SGPP2: variants seen among roughly 807,000 people sequenced by gnomAD.
The protein encoded by SGPP2 is sphingosine 1-phosphate phosphohydrolase 2.
SGPP2 carries 30 observed loss-of-function variants against 33.9 expected under a neutral mutation model. The observed-to-expected ratio is 0.89, with a 90% confidence interval of 0.66 to 1.20. SGPP2 has a LOEUF of 1.20. Among genes scored for constraint, SGPP2 ranks in the 50% most tolerant of loss-of-function variants. SGPP2 has a pLI of 0.00. For synonymous variants in SGPP2, 233 were observed against 225.0 expected, an observed-to-expected ratio of 1.04 and a Z score of -0.32; for missense variants, 458 against 532.1, an observed-to-expected ratio of 0.86 and a Z score of 1.37.
At chr2:222,464,059 A>C (rs143308981) in intron 1 of SGPP2, among the ~76,000 whole-genome samples, 13 of 152,330 alleles carry the variant, frequency 8.5e-5, no homozygotes, top group Non-Finnish European at 1.5e-4. Flanking sequence ...AGCTCTTCCA[A>C]GTATCATTTC....
chr2:222,518,226 A>T (rs1180771953), intron 2 of SGPP2, among the ~76,000 whole-genome samples: 2 of 152,256 alleles, frequency 1.3e-5, no homozygotes, highest in African/African-American at 4.8e-5. Flanking sequence ...ATGCAGCCGT[A>T]GTATTTTTAA....
chr2:222,529,929 T>C (rs1698814977), intron 4 of SGPP2, among the ~76,000 whole-genome samples: 1 of 152,214 alleles, frequency 6.6e-6, no homozygotes, highest in African/African-American at 2.4e-5. Context: ...TAGCAATGAC[T>C]CCTTGATCCC....
intron 2 of SGPP2, among the ~76,000 whole-genome samples, chr2:222,500,009 G>A (rs1698343319): frequency 6.6e-6 from 1 of 152,154 alleles, no homozygotes; most frequent in Non-Finnish European, 1.5e-5. Flanking sequence ...TTACCAGCAG[G>A]AAGAATTATG....
At chr2:222,512,961 G>C (rs927196641) in intron 2 of SGPP2, among the ~76,000 whole-genome samples, 3 of 152,202 alleles carry the variant, frequency 2.0e-5, no homozygotes, top group Non-Finnish European at 2.9e-5. Flanking sequence ...TTTTGTGGAG[G>C]TAAGTTTTCA....
At chr2:222,428,881 T>G (rs1559140982) in intron 1 of SGPP2, among the ~76,000 whole-genome samples, 1 of 139,972 alleles carries the variant, frequency 7.1e-6, no homozygotes, top group Non-Finnish European at 1.5e-5. Context: ...AACCTCTGCC[T>G]CCTGGATTCA....
At chr2:222,430,587 G>T (rs1697139201) in intron 1 of SGPP2, among the ~76,000 whole-genome samples, 2 of 152,124 alleles carry the variant, frequency 1.3e-5, no homozygotes, top group Admixed American at 6.5e-5. Context: ...CCAAAGTGCT[G>T]GGATTGCAGG....
At chr2:222,468,120 C>A (rs757077014) in intron 1 of SGPP2, among the ~76,000 whole-genome samples, 1 of 151,910 alleles carries the variant, frequency 6.6e-6, no homozygotes. Context: ...TGATATCTGG[C>A]GTCTGGAAGA....
intron 4 of SGPP2, among the ~76,000 whole-genome samples, chr2:222,554,996 C>G (rs1050519731): frequency 2.0e-5 from 3 of 152,182 alleles, no homozygotes; most frequent in Non-Finnish European, 2.9e-5. Flanking sequence ...CCTCCCATCC[C>G]TTCGGAGTCA....
chr2:222,455,093 G>T (rs1697551399), intron 1 of SGPP2, among the ~76,000 whole-genome samples: 1 of 152,088 alleles, frequency 6.6e-6, no homozygotes, highest in Admixed American at 6.5e-5. Flanking sequence ...AATTAGGCTG[G>T]TCATGGTGGC....
At chr2:222,546,202 T>G (rs1224008733) in intron 4 of SGPP2, among the ~76,000 whole-genome samples, 1 of 152,228 alleles carries the variant, frequency 6.6e-6, no homozygotes, top group Non-Finnish European at 1.5e-5. Context: ...CCCTGACACC[T>G]GCATAAAATT....
intron 1 of SGPP2, among the ~76,000 whole-genome samples, chr2:222,461,666 G>A (rs1238160557): frequency 6.6e-6 from 1 of 151,826 alleles, no homozygotes; most frequent in African/African-American, 2.4e-5. Context: ...CATAAGAAGT[G>A]CACAGCCTAG....
intron 1 of SGPP2, among the ~76,000 whole-genome samples, chr2:222,451,283 A>G (rs921983565): frequency 4.6e-5 from 7 of 152,214 alleles, no homozygotes; most frequent in Non-Finnish European, 7.4e-5. Flanking sequence ...TGCTCTGTAA[A>G]ATGATTAGCT....
intron 2 of SGPP2, among the ~76,000 whole-genome samples, chr2:222,495,384 A>C (rs1020524551): frequency 6.6e-6 from 1 of 152,242 alleles, no homozygotes; most frequent in Non-Finnish European, 1.5e-5. Context: ...ACTGTACTCC[A>C]GCCTGGAAAA....
intron 1 of SGPP2, among the ~76,000 whole-genome samples, chr2:222,434,758 GA>G (rs1394199304): frequency 1.3e-5 from 2 of 152,094 alleles, no homozygotes; most frequent in Non-Finnish European, 2.9e-5. Context: ...GTGTGGTGGT[GA>G]ATGCACAGGC....
At chr2:222,542,152 T>C (rs1468251303) in intron 4 of SGPP2, among the ~76,000 whole-genome samples, 2 of 152,332 alleles carry the variant, frequency 1.3e-5, no homozygotes, top group East Asian at 3.9e-4. Flanking sequence ...GGATTTCATA[T>C]AAATGTAATC....
chr2:222,551,928 A>G (rs1689300759), intron 4 of SGPP2, among the ~76,000 whole-genome samples: 1 of 152,158 alleles, frequency 6.6e-6, no homozygotes, highest in Non-Finnish European at 1.5e-5. Context: ...GATCCTCATA[A>G]TTTACCTCCC....
At chr2:222,505,840 A>G (rs1369640531) in intron 2 of SGPP2, among the ~76,000 whole-genome samples, 1 of 151,478 alleles carries the variant, frequency 6.6e-6, no homozygotes, top group East Asian at 1.9e-4. Context: ...GGGGCTGAGG[A>G]AGGAGAATCA....
intron 1 of SGPP2, among the ~76,000 whole-genome samples, chr2:222,440,877 C>A (rs1376679300): frequency 6.7e-6 from 1 of 149,990 alleles, no homozygotes; most frequent in Non-Finnish European, 1.5e-5. Flanking sequence ...TTCCTTTAAC[C>A]ATGGAACATC....
intron 2 of SGPP2, among the ~76,000 whole-genome samples, chr2:222,505,728 G>A (rs1272734642): frequency 6.6e-6 from 1 of 151,990 alleles, no homozygotes; most frequent in African/African-American, 2.4e-5. Context: ...GAGCTCAGAA[G>A]TTCAAGACCA....
Sources: gnomAD v4.1 joint callset for allele counts (sites outside exome capture counted in the v4.1 genomes callset) on GRCh38, gnomAD v4.1.1 for gene constraint, MANE v1.5 for transcripts, NCBI Gene and HGNC (gene_info 2026-07-23, HGNC 2026-07-21) for gene names.